Variants in ESRRG observed in about 807,000 individuals in gnomAD.
The protein encoded by ESRRG is estrogen related receptor gamma.
Under a neutral mutation model 44.0 loss-of-function variants are expected in ESRRG, and 13 were observed. The observed-to-expected ratio is 0.30, with a 90% CI of 0.19 to 0.47. The LOEUF is 0.47. Ranked by LOEUF, ESRRG falls within the 20% of genes least tolerant of loss-of-function variation. ESRRG has a pLI of 1.00. For synonymous variants in ESRRG, 215 were observed against 214.6 expected (o/e 1.00, Z -0.02); for missense variants, 395 against 580.6 (o/e 0.68, Z 3.29).
chr1:216,775,863 C>A (rs1014293742), intron 2 of ESRRG, among the ~76,000 whole-genome samples: 2 of 152,070 alleles, frequency 1.3e-5, no homozygotes, highest in African/African-American at 4.8e-5. Context: ...CCGTGCCAAG[C>A]TATTTTTTTA....
At chr1:216,514,988 C>A (rs894176896) in intron 6 of ESRRG, among the ~76,000 whole-genome samples, 1 of 137,572 alleles carries the variant, frequency 7.3e-6, no homozygotes, top group Non-Finnish European at 1.6e-5. Flanking sequence ...ACACACACAA[C>A]ACACACTTAC....
intron 2 of ESRRG, among the ~76,000 whole-genome samples, chr1:216,771,098 C>T (rs2093360440): frequency 1.3e-5 from 2 of 152,064 alleles, no homozygotes; most frequent in Admixed American, 6.6e-5. Flanking sequence ...CTCCAGCCTC[C>T]CAAGTAGCCA....
intron 3 of ESRRG, among the ~76,000 whole-genome samples, chr1:216,601,352 C>G (rs1211802954): frequency 6.6e-6 from 1 of 152,154 alleles, no homozygotes; most frequent in African/African-American, 2.4e-5. Context: ...GGAGCCGACG[C>G]CGGGCTTCAA....
At chr1:216,528,401 T>C (rs1252875969) in intron 5 of ESRRG, among the ~76,000 whole-genome samples, 1 of 152,224 alleles carries the variant, frequency 6.6e-6, no homozygotes, top group Admixed American at 6.5e-5. Context: ...TATTTATAAG[T>C]AACCATTCAC....
intron 1 of ESRRG, among the ~76,000 whole-genome samples, chr1:217,045,504 C>G (rs750537849): frequency 6.6e-6 from 1 of 152,164 alleles, no homozygotes; most frequent in African/African-American, 2.4e-5. Flanking sequence ...CATTAACTAC[C>G]CTTGGGACCT....
intron 1 of ESRRG, among the ~76,000 whole-genome samples, chr1:217,040,612 A>AT (rs111759973): frequency 1.3e-5 from 2 of 152,076 alleles, no homozygotes; most frequent in Non-Finnish European, 2.9e-5. Flanking sequence ...TTCTATTAAA[A>AT]TTTTTTTCCT....
At chr1:216,942,341 T>C (rs2065383270) in intron 1 of ESRRG, among the ~76,000 whole-genome samples, 1 of 152,206 alleles carries the variant, frequency 6.6e-6, no homozygotes. Flanking sequence ...TGATTCCATG[T>C]CTTTGCTATT....
intron 1 of ESRRG, among the ~76,000 whole-genome samples, chr1:216,692,716 A>G (rs1283531740): frequency 2.0e-5 from 3 of 152,184 alleles, no homozygotes; most frequent in Non-Finnish European, 4.4e-5. Flanking sequence ...AGCTCCAGTC[A>G]TGCTCAGTGT....
chr1:216,965,775 G>A (rs2070204956), intron 1 of ESRRG, among the ~76,000 whole-genome samples: 1 of 152,186 alleles, frequency 6.6e-6, no homozygotes, highest in Non-Finnish European at 1.5e-5. Context: ...AGTAGGAAGG[G>A]GGTCAGATTA....
chr1:216,572,627 G>T (rs2149684331), intron 3 of ESRRG, among the ~76,000 whole-genome samples: 1 of 151,916 alleles, frequency 6.6e-6, no homozygotes, highest in South Asian at 2.1e-4. Context: ...TCATAAATGA[G>T]GCAGGATCTC....
chr1:217,118,608 A>T (rs2092771091), intron 1 of ESRRG, among the ~76,000 whole-genome samples: 1 of 152,164 alleles, frequency 6.6e-6, no homozygotes. Context: ...CACATGCAAA[A>T]AGAATGCATA....
At chr1:216,516,576 A>G (rs200847754) in intron 6 of ESRRG, among the ~76,000 whole-genome samples, 83 of 151,702 alleles carry the variant, frequency 5.5e-4, no homozygotes, top group East Asian at 2.7e-3. Flanking sequence ...ACTGAAATAG[A>G]TTTTCATTTT....
At chr1:216,902,627 C>A (rs1222217705) in intron 2 of ESRRG, among the ~76,000 whole-genome samples, 2 of 152,194 alleles carry the variant, frequency 1.3e-5, no homozygotes, top group Non-Finnish European at 2.9e-5. Context: ...CCATTCTTAG[C>A]ATCTTTGAGA....
intron 1 of ESRRG, among the ~76,000 whole-genome samples, chr1:217,102,134 C>T (rs577929655): frequency 4.6e-5 from 7 of 152,320 alleles, no homozygotes; most frequent in Non-Finnish European, 1.0e-4. Context: ...TAAATTACTA[C>T]ATTCCAGATT....
chr1:216,868,762 T>G (rs2096213412), intron 2 of ESRRG, among the ~76,000 whole-genome samples: 1 of 152,224 alleles, frequency 6.6e-6, no homozygotes, highest in South Asian at 2.1e-4. Flanking sequence ...CTAGCCATTC[T>G]AGTGATATGC....
At chr1:217,112,371 C>A (rs1454287661) in intron 1 of ESRRG, among the ~76,000 whole-genome samples, 2 of 152,136 alleles carry the variant, frequency 1.3e-5, no homozygotes, top group African/African-American at 2.4e-5. Flanking sequence ...GATATGAAAG[C>A]TGCAAGGCCT....
At chr1:216,677,998 A>G (rs1575166941) in intron 1 of ESRRG, among the ~76,000 whole-genome samples, 1 of 152,122 alleles carries the variant, frequency 6.6e-6, no homozygotes, top group South Asian at 2.1e-4. Context: ...TAAAACTTTT[A>G]TTTTCAAGAC....
At chr1:216,622,219 T>C (rs1394542661) in intron 3 of ESRRG, among the ~76,000 whole-genome samples, 1 of 152,202 alleles carries the variant, frequency 6.6e-6, no homozygotes, top group Non-Finnish European at 1.5e-5. Context: ...TTGACCACAA[T>C]GACCTCAATG....
intron 1 of ESRRG, among the ~76,000 whole-genome samples, chr1:216,953,509 C>A (rs1180846031): frequency 6.6e-6 from 1 of 152,010 alleles, no homozygotes. Context: ...TCTGCTCATG[C>A]CAATGACCAT....
Sources: allele counts gnomAD v4.1 joint callset (sites outside exome capture counted in the v4.1 genomes callset), GRCh38; gene constraint gnomAD v4.1.1; transcripts MANE v1.5; gene names NCBI Gene and HGNC (gene_info 2026-07-23, HGNC 2026-07-21).